Variants in SLC4A5 observed in about 807,000 individuals in gnomAD.
The protein encoded by SLC4A5 is solute carrier family 4 member 5.
In SLC4A5, 96 loss-of-function variants were observed where a neutral mutation model predicts 120.4. The ratio of observed to expected loss-of-function variants is 0.80; its 90% confidence interval spans 0.68 to 0.94. The LOEUF is 0.94. Ranked by LOEUF, SLC4A5 falls within the 40% of genes least tolerant of loss-of-function variation. SLC4A5 has a pLI of 0.00. For synonymous variants in SLC4A5, 550 were observed against 571.1 expected (o/e 0.96, Z 0.53); for missense variants, 1,259 against 1,459.5 (o/e 0.86, Z 2.24).
chr2:74,219,255 G>A (rs1423621322), intron 30 of SLC4A5, among the ~76,000 whole-genome samples: 1 of 150,596 alleles, frequency 6.6e-6, no homozygotes, highest in Admixed American at 6.6e-5. Flanking sequence ...TCGGGCCTGT[G>A]TCCACTGCCT....
chr2:74,296,786 C>CA (rs11374814), intron 7 of SLC4A5, among the ~76,000 whole-genome samples: 26,361 of 72,694 alleles, frequency 0.36, 5,228 homozygotes, highest in East Asian at 0.81. Context: ...GACTCTGTCT[C>CA]AAAAAAAAAA....
chr2:74,309,930 G>A (rs1376699491), intron 6 of SLC4A5, among the ~76,000 whole-genome samples: 1 of 151,940 alleles, frequency 6.6e-6, no homozygotes, highest in Non-Finnish European at 1.5e-5. Flanking sequence ...CCAAAGTGCT[G>A]GGATTACAGG....
intron 10 of SLC4A5, 49 bp from the exon 11 acceptor site, chr2:74,262,281 A>C (rs759602143): frequency 6.5e-7 from 1 of 1,530,692 alleles, no homozygotes. Context: ...TTGCTGGTGT[A>C]GCGAAGCCTC....
chr2:74,293,912 A>G (rs181974482), intron 7 of SLC4A5, among the ~76,000 whole-genome samples: 3 of 152,236 alleles, frequency 2.0e-5, no homozygotes, highest in Admixed American at 1.3e-4. Context: ...AGTCACTGTC[A>G]TAAGAATAGT....
At chr2:74,324,282 T>A (rs1342973173) in intron 5 of SLC4A5, among the ~76,000 whole-genome samples, 1 of 152,142 alleles carries the variant, frequency 6.6e-6, no homozygotes, top group Non-Finnish European at 1.5e-5. Context: ...TTTCTTGGAG[T>A]TGGGGTCTCG....
At chr2:74,248,984 A>C (rs1433962450) in intron 17 of SLC4A5, among the ~76,000 whole-genome samples, 1 of 152,214 alleles carries the variant, frequency 6.6e-6, no homozygotes, top group African/African-American at 2.4e-5. Flanking sequence ...GGCAATTCCC[A>C]TATAGCAGGG....
At position 74,224,704 on chromosome 2, in the gene SLC4A5, T is replaced by C. The variant is rs1208101894; in HGVS notation, c.3246+136A>G. 7 of 1,226,570 alleles carry C rather than the reference T, an allele frequency of 5.7e-6. No homozygotes were observed. In the African/African-American group the frequency reaches 9.1e-5, roughly 16 times the overall value. The allele number at this position is 1,226,570 out of a possible 1,614,324, so 76.0% of individuals were successfully genotyped here. ...AACACCCCAGACCAAGACAAGCAGATGCCCCAGCCCATCCTGGACTGGGCC... is the reference window on the plus strand; with the variant it reads ...AACACCCCAGACCAAGACAAGCAGACGCCCCAGCCCATCCTGGACTGGGCC... On this transcript the variant is annotated intron_variant, in intron 28 of 30. Coordinates refer to ENST00000394019, the Ensembl canonical transcript of SLC4A5.
chr2:74,269,601 C>T (rs1002604329), intron 8 of SLC4A5, among the ~76,000 whole-genome samples: 15 of 152,176 alleles, frequency 9.9e-5, no homozygotes, highest in African/African-American at 3.4e-4. Context: ...ATTCAGCTTG[C>T]CTTTTATTGT....
At chr2:74,250,555 T>G in intron 16 of SLC4A5, 38 bp from the exon 17 acceptor site, 1 of 1,611,594 alleles carries the variant, frequency 6.2e-7, no homozygotes, top group Non-Finnish European at 8.5e-7. Flanking sequence ...TTCTCACCAC[T>G]AACACCAGTG....
chr2:74,316,267 C>T (rs1248615863), intron 5 of SLC4A5, among the ~76,000 whole-genome samples: 1 of 128,402 alleles, frequency 7.8e-6, no homozygotes, highest in East Asian at 2.4e-4. Flanking sequence ...AAAGACACCA[C>T]AATCAGTCAT....
At chr2:74,257,271 C>A (rs561825651) in intron 12 of SLC4A5, among the ~76,000 whole-genome samples, 1 of 152,136 alleles carries the variant, frequency 6.6e-6, no homozygotes, top group Admixed American at 6.5e-5. Flanking sequence ...CCCTCCACAA[C>A]CACCTGGGCA....
At chr2:74,229,260 G>GC (rs1553451249) in intron 25 of SLC4A5, among the ~76,000 whole-genome samples, 5 of 79,634 alleles carry the variant, frequency 6.3e-5, no homozygotes, top group East Asian at 3.2e-4. Context: ...TTTTTTTTTT[G>GC]GGGGGGGCAC....
intron 7 of SLC4A5, chr2:74,290,818 C>T: frequency 2.1e-6 from 2 of 952,884 alleles, no homozygotes; most frequent in Non-Finnish European, 2.5e-6. Flanking sequence ...AAAACTGCCC[C>T]TTTACCCCCT....
intron 9 of SLC4A5, 36 bp downstream of exon 9, chr2:74,265,068 C>G: frequency 6.3e-7 from 1 of 1,595,012 alleles, no homozygotes; most frequent in South Asian, 1.1e-5. Context: ...TTTGCAGGGA[C>G]CACAGGAGAG....
chr2:74,326,553 G>A (rs905365827), intron 5 of SLC4A5, among the ~76,000 whole-genome samples: 12 of 152,198 alleles, frequency 7.9e-5, no homozygotes, highest in Non-Finnish European at 1.8e-4. Context: ...ACGTGCAGTG[G>A]CTCACGCCTG....
chr2:74,276,458 C>T (rs1671642361), intron 8 of SLC4A5, among the ~76,000 whole-genome samples: 1 of 152,168 alleles, frequency 6.6e-6, no homozygotes, highest in Non-Finnish European at 1.5e-5. Context: ...TTCCGCTGCT[C>T]TAGGGATTGA....
intron 8 of SLC4A5, among the ~76,000 whole-genome samples, chr2:74,269,192 C>T (rs181178422): frequency 6.6e-6 from 1 of 152,158 alleles, no homozygotes; most frequent in East Asian, 1.9e-4. Context: ...AAGGAATAGA[C>T]CAAAGGATAA....
rs376294483 is a variant in SLC4A5 at position 74,220,666 on chromosome 2, A to G, written c.*33+768T>C. 2.2e-3 allele frequency among the ~76,000 whole-genome samples: 336 copies of G among 149,876 alleles called. 2 individuals carry two copies. The highest frequency in any genetic ancestry group is 5.2e-3 in the African/African-American group (212 of 40,576). On this transcript the variant is annotated intron_variant, in intron 30 of 30. Coordinates refer to ENST00000394019, the Ensembl canonical transcript of SLC4A5. The stretch of plus-strand genomic sequence containing the variant: ...CGAGTAGCTGGGACTACAGGCGCCC[A>G]CCACCATGCCCGGCTAATTTTTTGT...
chr2:74,336,498 A>C (rs1673495113), intron 3 of SLC4A5, among the ~76,000 whole-genome samples: 1 of 152,224 alleles, frequency 6.6e-6, no homozygotes, highest in South Asian at 2.1e-4. Context: ...GATAGCAGCT[A>C]TCCCATAGGT....
Sources: allele counts gnomAD v4.1 joint callset (sites outside exome capture counted in the v4.1 genomes callset), GRCh38; gene constraint gnomAD v4.1.1; transcripts MANE v1.5; gene names NCBI Gene and HGNC (gene_info 2026-07-23, HGNC 2026-07-21).